Variants in DLG2 observed in about 807,000 individuals in gnomAD.
DLG2 encodes the protein discs large MAGUK scaffold protein 2.
A neutral mutation model predicts 132.5 loss-of-function variants in DLG2; 45 were observed. The ratio of observed to expected loss-of-function variants is 0.34; its 90% CI spans 0.27 to 0.44. DLG2 has a LOEUF of 0.44. DLG2 is among the 20% of genes least tolerant of loss of function. The pLI is 1.00. For missense variants in DLG2, 1,045 were observed against 1,196.9 expected (o/e 0.87, Z 1.87); for synonymous variants, 424 against 419.6 (o/e 1.01, Z -0.13).
intron 3 of DLG2, among the ~76,000 whole-genome samples, chr11:85,503,010 C>T (rs2093840843): frequency 6.6e-6 from 1 of 152,046 alleles, no homozygotes; most frequent in Admixed American, 6.6e-5. Flanking sequence ...CAAACTAACA[C>T]TATTCCCTAC....
intron 21 of DLG2, among the ~76,000 whole-genome samples, chr11:83,519,786 G>C (rs1432277748): frequency 6.6e-6 from 1 of 152,218 alleles, no homozygotes; most frequent in South Asian, 2.1e-4. Context: ...GATGAGCTGG[G>C]TGATGGGGAG....
intron 6 of DLG2, among the ~76,000 whole-genome samples, chr11:84,796,407 C>T (rs10466726): frequency 0.023 from 3,517 of 152,194 alleles, 118 homozygotes; most frequent in African/African-American, 0.072. Context: ...CATCTTTCTA[C>T]TTAAGATATT....
At chr11:83,711,345 C>T (rs2085371909) in intron 18 of DLG2, among the ~76,000 whole-genome samples, 1 of 152,186 alleles carries the variant, frequency 6.6e-6, no homozygotes, top group Non-Finnish European at 1.5e-5. Flanking sequence ...AGCTTCCCAG[C>T]ATTTCCCCTC....
intron 6 of DLG2, among the ~76,000 whole-genome samples, chr11:84,753,864 T>C (rs1208957885): frequency 1.3e-5 from 2 of 152,130 alleles, no homozygotes; most frequent in African/African-American, 4.8e-5. Flanking sequence ...CAGATTTCAC[T>C]GTACTAGAGA....
intron 4 of DLG2, among the ~76,000 whole-genome samples, chr11:85,232,918 A>G (rs1159654628): frequency 6.6e-6 from 1 of 151,926 alleles, no homozygotes; most frequent in Non-Finnish European, 1.5e-5. Context: ...TTGGTGACCC[A>G]GATGACAAGT....
intron 6 of DLG2, among the ~76,000 whole-genome samples, chr11:84,769,804 A>G (rs2068986255): frequency 6.6e-6 from 1 of 152,270 alleles, no homozygotes. Flanking sequence ...CTTATAAGCC[A>G]GGAGAGACTG....
Position 84,526,418 on chromosome 11 carries a change from T to C in DLG2, c.519+8152A>G, listed in dbSNP as rs1591573980. 2.6e-5 allele frequency among the ~76,000 whole-genome samples: 4 copies of C among 152,068 alleles called. No individual in the cohort carries two copies. The South Asian group carries it at 8.3e-4, about 32-fold the overall frequency. On this transcript the variant is annotated intron_variant, in intron 7 of 27. Coordinates refer to ENST00000376104, the MANE Select transcript of DLG2 (RefSeq NM_001142699.3). ...AGATGCAGTCCAGGTCTTGGGAGCT[T>C]ACACATTTACTAAGAGCAAGAAAAA...
chr11:85,082,987 C>G (rs1593853993), intron 6 of DLG2, among the ~76,000 whole-genome samples: 1 of 151,874 alleles, frequency 6.6e-6, no homozygotes, highest in African/African-American at 2.4e-5. Context: ...CAAGATAAAA[C>G]CTCAATTTAG....
At chr11:83,881,354 T>A (rs1557431) in intron 15 of DLG2, among the ~76,000 whole-genome samples, 2 of 151,990 alleles carry the variant, frequency 1.3e-5, no homozygotes, top group Admixed American at 1.3e-4. Context: ...CCAATATAGT[T>A]ACCACATGTT....
At chr11:85,559,843 GAT>G (rs1300323631) in intron 3 of DLG2, among the ~76,000 whole-genome samples, 12 of 151,286 alleles carry the variant, frequency 7.9e-5, no homozygotes, top group African/African-American at 2.9e-4. Flanking sequence ...TAGATAGATA[GAT>G]AGATAGATAG....
chr11:85,258,576 C>T (rs2076782156), intron 4 of DLG2, among the ~76,000 whole-genome samples: 1 of 152,044 alleles, frequency 6.6e-6, no homozygotes, highest in Non-Finnish European at 1.5e-5. Context: ...GCTAAGTGAG[C>T]ATTTAGTATA....
intron 19 of DLG2, among the ~76,000 whole-genome samples, chr11:83,561,153 C>T (rs2096603571): frequency 6.6e-6 from 1 of 152,148 alleles, no homozygotes; most frequent in South Asian, 2.1e-4. Context: ...TGTGCTAAAC[C>T]ATTCACAAGA....
intron 6 of DLG2, among the ~76,000 whole-genome samples, chr11:84,951,044 A>G (rs1347547246): frequency 6.6e-6 from 1 of 152,184 alleles, no homozygotes; most frequent in East Asian, 1.9e-4. Flanking sequence ...AGTAAAGCCT[A>G]AGGGACAGCT....
At chr11:84,573,489 A>G (rs930811815) in intron 6 of DLG2, among the ~76,000 whole-genome samples, 1 of 152,184 alleles carries the variant, frequency 6.6e-6, no homozygotes, top group Admixed American at 6.5e-5. Flanking sequence ...GATACCAAAA[A>G]GGATGCAAGG....
chr11:85,508,033 C>T (rs79485844), intron 3 of DLG2, among the ~76,000 whole-genome samples: 3,526 of 152,178 alleles, frequency 0.023, 131 homozygotes, highest in African/African-American at 0.079. Context: ...ATGTAGTTCT[C>T]GTGCCATGGT....
Position 85,175,200 on chromosome 11 carries a change from C to T in DLG2, c.187-20549G>A, listed in dbSNP as rs1005433511. On this transcript the variant is annotated intron_variant, in intron 4 of 27. Transcript: ENST00000376104. ...TCAGGCCAATATTCCTGATGAACAT[C>T]GATGCAAAAATCCTCAATAAAATAC... Among the ~76,000 whole-genome samples, 11 of 152,138 alleles carry T rather than the reference C, an allele frequency of 7.2e-5. No homozygotes were observed. The East Asian group carries it at 7.7e-4, about 11-fold the overall frequency.
At chr11:83,470,490 A>T (rs966105246) in intron 24 of DLG2, among the ~76,000 whole-genome samples, 5 of 152,192 alleles carry the variant, frequency 3.3e-5, no homozygotes, top group African/African-American at 1.2e-4. Context: ...ATTAATTCAA[A>T]AAAGAGAGAA....
chr11:84,055,261 A>G (rs1198393053), intron 11 of DLG2, among the ~76,000 whole-genome samples: 1 of 152,044 alleles, frequency 6.6e-6, no homozygotes, highest in African/African-American at 2.4e-5. Context: ...AATGGCATCA[A>G]GATAGCTCAA....
At chr11:84,068,299 A>T (rs958689538) in intron 10 of DLG2, among the ~76,000 whole-genome samples, 2 of 152,230 alleles carry the variant, frequency 1.3e-5, no homozygotes, top group African/African-American at 4.8e-5. Context: ...CTTCTAATTA[A>T]TTCTCCCTTT....
Sources: gnomAD v4.1 joint callset for allele counts (sites outside exome capture counted in the v4.1 genomes callset) on GRCh38, gnomAD v4.1.1 for gene constraint, MANE v1.5 for transcripts, NCBI Gene and HGNC (gene_info 2026-07-23, HGNC 2026-07-21) for gene names.